Variants in AZIN1 observed in about 807,000 individuals in gnomAD.
AZIN1 encodes ornithine decarboxylase antizyme inhibitor.
A neutral mutation model predicts 47.4 loss-of-function variants in AZIN1; 12 were observed. The observed-to-expected ratio is 0.25, with a 90% CI of 0.16 to 0.41. The LOEUF (loss-of-function observed/expected upper bound fraction) is 0.41. Among genes scored for constraint, AZIN1 ranks in the 10% least tolerant of loss-of-function variants. AZIN1 has a pLI of 1.00. For missense variants in AZIN1, 410 were observed against 532.4 expected, an observed-to-expected ratio of 0.77 and a Z score of 2.26; for synonymous variants, 155 against 176.3, an observed-to-expected ratio of 0.88 and a Z score of 0.96.
At position 102,843,415 on chromosome 8, in the gene AZIN1, G is replaced by A. The variant is rs963502800; in HGVS notation, c.102+136C>T. On this transcript the variant is annotated intron_variant, in intron 3 of 11. Transcript: ENST00000337198. ...ATCACTACTCAAGGGGAGTGGGTGT[G>A]GGGGAGGAAGGTCAAGTTAAATCAG... 76 of 673,296 alleles carry A rather than the reference G, an allele frequency of 1.1e-4. 2 individuals are homozygous for A. The Admixed American group carries it at 2.2e-3, about 20-fold the overall frequency. 41.7% of individuals were successfully genotyped at this position (673,296 alleles called of 1,614,324 possible).
At chr8:102,861,388 C>T (rs1488609555) in intron 1 of AZIN1, among the ~76,000 whole-genome samples, 2 of 151,812 alleles carry the variant, frequency 1.3e-5, no homozygotes, top group Admixed American at 1.3e-4. Flanking sequence ...CCACCACGCC[C>T]GGCTAATTTT....
At chr8:102,852,621 G>A (rs1379884442) in intron 2 of AZIN1, among the ~76,000 whole-genome samples, 1 of 152,080 alleles carries the variant, frequency 6.6e-6, no homozygotes, top group Non-Finnish European at 1.5e-5. Flanking sequence ...TTAGCAGGGC[G>A]TGGTGGCATG....
intron 2 of AZIN1, among the ~76,000 whole-genome samples, chr8:102,857,347 A>G (rs1335363588): frequency 6.6e-6 from 1 of 152,180 alleles, no homozygotes; most frequent in Non-Finnish European, 1.5e-5. Flanking sequence ...TTAAATTTTA[A>G]TAACAAAATC....
intron 2 of AZIN1, among the ~76,000 whole-genome samples, chr8:102,844,802 AT>A (rs1812457793): frequency 6.6e-6 from 1 of 152,182 alleles, no homozygotes; most frequent in South Asian, 2.1e-4. Flanking sequence ...AAGTAATCTG[AT>A]TTTTAAAAAG....
At chr8:102,830,821 C>T (rs893940050) in intron 9 of AZIN1, among the ~76,000 whole-genome samples, 1 of 152,150 alleles carries the variant, frequency 6.6e-6, no homozygotes, top group Non-Finnish European at 1.5e-5. Context: ...GCAACCAGAG[C>T]TCACATGTAT....
rs374559522 is a variant in AZIN1, at chr8:102,843,696, A to C, written c.-44T>G. 41 of 1,611,344 alleles carry C rather than the reference A, an allele frequency of 2.5e-5. No homozygotes were observed. Among genetic ancestry groups the C allele is most frequent in the Non-Finnish European group, 3.0e-5 (35 of 1,178,856 alleles). ...AGCCGAAAGTCATAAACCAGGAAAG[A>C]CAAGAGACGGGCCACCAAGCCTATG... On this transcript the variant is annotated 5_prime_UTR_variant, in exon 3 of 12. Transcript: ENST00000337198.
At position 102,827,132 on chromosome 8, in the gene AZIN1, T is replaced by C. The variant is rs1811159855; in HGVS notation, c.*1435A>G. The C allele has an allele frequency of 6.6e-6, 1 of 152,620 alleles. No individual in the cohort carries two copies. Among genetic ancestry groups the C allele is most frequent in the African/African-American group, 2.4e-5 (1 of 41,460 alleles). 9.5% of individuals were successfully genotyped at this position (152,620 alleles called of 1,614,324 possible). A position where few individuals can be genotyped will look rare whatever the true frequency, so the allele number is the denominator to read the frequency against. ...TAGCACAGGTAGAATTTTCTGTCCATTGGCACCAAAGTGAAGTCACATTTC... is the reference window on the plus strand; with the variant it reads ...TAGCACAGGTAGAATTTTCTGTCCACTGGCACCAAAGTGAAGTCACATTTC... On this transcript the variant is annotated 3_prime_UTR_variant, in exon 12 of 12. Coordinates refer to ENST00000337198, the MANE Select transcript of AZIN1 (RefSeq NM_148174.4).
intron 5 of AZIN1, 41 bp downstream of exon 5, chr8:102,838,703 A>C (rs904051367): frequency 5.2e-6 from 8 of 1,534,164 alleles, no homozygotes; most frequent in Non-Finnish European, 7.1e-6. Flanking sequence ...CAACCCTCTA[A>C]GTGCTAAATA....
chr8:102,849,814 A>G (rs973387594), intron 2 of AZIN1, among the ~76,000 whole-genome samples: 31 of 152,098 alleles, frequency 2.0e-4, no homozygotes, highest in African/African-American at 7.2e-4. Context: ...CCTTATTCAC[A>G]CCTTCATATG....
Position 102,828,447 on chromosome 8 carries a change from T to TA in AZIN1, c.*119dup. 1.6e-6 allele frequency: 1 copy of TA among 611,420 alleles called. No homozygotes were observed. 37.9% of individuals were successfully genotyped at this position (611,420 alleles called of 1,614,324 possible). A position where few individuals can be genotyped will look rare whatever the true frequency, so the allele number is the denominator to read the frequency against. The stretch of plus-strand genomic sequence containing the variant: ...TCTGGTCCCAAATAGCTATTACTAA[T>TA]AGTTTTTGTTGCCAAAAGAATTAAG... On this transcript the variant is annotated 3_prime_UTR_variant, in exon 12 of 12. Transcript: ENST00000337198.
chr8:102,831,540 G>C (rs1026674153), intron 9 of AZIN1, among the ~76,000 whole-genome samples: 1 of 151,426 alleles, frequency 6.6e-6, no homozygotes, highest in East Asian at 1.9e-4. Flanking sequence ...CTACTTGGGA[G>C]GCTGAGGCAG....
intron 2 of AZIN1, among the ~76,000 whole-genome samples, chr8:102,856,722 A>G (rs1440505463): frequency 6.6e-6 from 1 of 152,240 alleles, no homozygotes; most frequent in Non-Finnish European, 1.5e-5. Flanking sequence ...TATATCTCCA[A>G]GTCAACTTGG....
At chr8:102,829,019 G>GT (rs1407915259) in intron 11 of AZIN1, among the ~76,000 whole-genome samples, 1 of 152,194 alleles carries the variant, frequency 6.6e-6, no homozygotes, top group African/African-American at 2.4e-5. Context: ...ATTAAACAGA[G>GT]TAACATGCTG....
intron 3 of AZIN1, 140 bp downstream of exon 3, chr8:102,843,411 G>A: frequency 1.5e-6 from 1 of 653,364 alleles, no homozygotes; most frequent in Non-Finnish European, 2.6e-6. Context: ...AGGGGAGTGG[G>A]TGTGGGGGAG....
At chr8:102,860,401 T>G (rs767970475) in intron 1 of AZIN1, among the ~76,000 whole-genome samples, 1 of 152,194 alleles carries the variant, frequency 6.6e-6, no homozygotes, top group Non-Finnish European at 1.5e-5. Flanking sequence ...TAGCTCGGAT[T>G]ACAGGCATGT....
chr8:102,832,043 T>C (rs748932642), intron 9 of AZIN1, among the ~76,000 whole-genome samples: 8 of 152,168 alleles, frequency 5.3e-5, no homozygotes, highest in Non-Finnish European at 1.0e-4. Flanking sequence ...TTTAGTGGAC[T>C]TCATGCCCCA....
chr8:102,837,862 A>G (rs1811920511), intron 5 of AZIN1, among the ~76,000 whole-genome samples: 2 of 152,248 alleles, frequency 1.3e-5, no homozygotes, highest in African/African-American at 4.8e-5. Flanking sequence ...ATATGCTTTT[A>G]GCATATTCTT....
intron 2 of AZIN1, among the ~76,000 whole-genome samples, chr8:102,850,889 A>G (rs1392778051): frequency 6.6e-6 from 1 of 152,246 alleles, no homozygotes; most frequent in Non-Finnish European, 1.5e-5. Flanking sequence ...CCCAAAAGTT[A>G]TAAGCCCAAC....
intron 1 of AZIN1, among the ~76,000 whole-genome samples, chr8:102,861,474 A>G (rs953345255): frequency 6.6e-6 from 1 of 151,858 alleles, no homozygotes; most frequent in Non-Finnish European, 1.5e-5. Flanking sequence ...CACCCGCCTC[A>G]GCCTCCCAAA....
Sources: gnomAD v4.1 joint callset for allele counts (sites outside exome capture counted in the v4.1 genomes callset) on GRCh38, gnomAD v4.1.1 for gene constraint, MANE v1.5 for transcripts, NCBI Gene and HGNC (gene_info 2026-07-23, HGNC 2026-07-21) for gene names.